Variants in PCDH15 observed in about 807,000 individuals in gnomAD.
PCDH15 encodes protocadherin related 15.
Under a neutral mutation model 178.5 loss-of-function variants are expected in PCDH15, and 129 were observed. The observed-to-expected ratio is 0.72, with a 90% CI of 0.63 to 0.84. The LOEUF (loss-of-function observed/expected upper bound fraction) is 0.84, where lower values mean the gene tolerates loss of function less well. PCDH15 is among the 40% of genes least tolerant of loss of function. PCDH15 has a pLI of 0.00. For missense variants in PCDH15, 2,230 were observed against 2,099.9 expected, an observed-to-expected ratio of 1.06 and a Z score of -1.21; for synonymous variants, 800 against 732.0, an observed-to-expected ratio of 1.09 and a Z score of -1.50.
At chr10:55,549,928 G>A (rs1475846327) in intron 2 of PCDH15, among the ~76,000 whole-genome samples, 2 of 151,850 alleles carry the variant, frequency 1.3e-5, no homozygotes, top group Non-Finnish European at 2.9e-5. Context: ...GTGAGTGTTG[G>A]GGGTGTGTGT....
At chr10:55,457,176 A>T (rs1839573222) in intron 2 of PCDH15, among the ~76,000 whole-genome samples, 1 of 152,096 alleles carries the variant, frequency 6.6e-6, no homozygotes. Flanking sequence ...CTCAAACATT[A>T]TCAAAGTAAT....
intron 26 of PCDH15, among the ~76,000 whole-genome samples, chr10:53,892,983 A>T (rs2081679274): frequency 6.6e-6 from 1 of 152,236 alleles, no homozygotes; most frequent in African/African-American, 2.4e-5. Context: ...GAAAGAAAAG[A>T]TGATAGAGAG....
intron 2 of PCDH15, among the ~76,000 whole-genome samples, chr10:54,630,184 C>T (rs1210338156): frequency 1.3e-5 from 2 of 152,058 alleles, no homozygotes; most frequent in Admixed American, 6.6e-5. Context: ...TCATATGGAA[C>T]TAGAAAAGAG....
intron 2 of PCDH15, among the ~76,000 whole-genome samples, chr10:54,594,439 C>A (rs2092085783): frequency 6.6e-6 from 1 of 152,096 alleles, no homozygotes; most frequent in Admixed American, 6.5e-5. Context: ...TCTCTTTGGG[C>A]CCCAGCCTGC....
intron 29 of PCDH15, among the ~76,000 whole-genome samples, chr10:53,832,828 G>A (rs910469384): frequency 9.9e-5 from 15 of 151,814 alleles, no homozygotes; most frequent in African/African-American, 3.6e-4. Context: ...TTAACACACT[G>A]TTCATTGCTT....
chr10:55,026,332 T>C (rs534023822), intron 2 of PCDH15, among the ~76,000 whole-genome samples: 166 of 152,120 alleles, frequency 1.1e-3, no homozygotes, highest in African/African-American at 3.7e-3. Flanking sequence ...CCAGAAGAGA[T>C]ACATACTGCC....
At chr10:55,107,453 T>C (rs984532223) in intron 2 of PCDH15, among the ~76,000 whole-genome samples, 2 of 150,642 alleles carry the variant, frequency 1.3e-5, no homozygotes, top group East Asian at 1.9e-4. Flanking sequence ...TTCATAGAAA[T>C]AGATAAAATA....
At chr10:54,456,751 CAT>C (rs1450445596) in intron 3 of PCDH15, among the ~76,000 whole-genome samples, 1 of 152,120 alleles carries the variant, frequency 6.6e-6, no homozygotes, top group African/African-American at 2.4e-5. Flanking sequence ...ATAATCTTCA[CAT>C]GTCATGGGAG....
chr10:54,421,765 A>C (rs1343368477), intron 3 of PCDH15, among the ~76,000 whole-genome samples: 1 of 123,236 alleles, frequency 8.1e-6, no homozygotes, highest in Non-Finnish European at 1.7e-5. Flanking sequence ...TATACACACT[A>C]TATAGGTTTG....
At chr10:54,490,547 A>G (rs1287078007) in intron 3 of PCDH15, among the ~76,000 whole-genome samples, 3 of 151,950 alleles carry the variant, frequency 2.0e-5, no homozygotes, top group Non-Finnish European at 4.4e-5. Context: ...AAAAGTTATC[A>G]TATGATATGT....
chr10:55,020,885 C>T (rs752390944), intron 2 of PCDH15, among the ~76,000 whole-genome samples: 1 of 152,146 alleles, frequency 6.6e-6, no homozygotes, highest in African/African-American at 2.4e-5. Flanking sequence ...CCCACAAATG[C>T]ATATCTGACT....
chr10:53,982,258 G>A (rs1192907128), intron 21 of PCDH15, among the ~76,000 whole-genome samples: 2 of 152,194 alleles, frequency 1.3e-5, no homozygotes, highest in African/African-American at 2.4e-5. Flanking sequence ...GGAAGTCAGT[G>A]TGGCGATTCC....
intron 15 of PCDH15, among the ~76,000 whole-genome samples, chr10:54,132,142 ATCTTATGAT>A (rs1045450979): frequency 2.1e-4 from 32 of 152,186 alleles, no homozygotes; most frequent in African/African-American, 6.5e-4. Flanking sequence ...ATAGTACGTC[ATCTTATGAT>A]TCTTATGATT....
intron 34 of PCDH15, 102 bp from the exon 35 acceptor site, chr10:53,816,379 C>T (rs1347864674): frequency 1.5e-5 from 6 of 395,818 alleles, no homozygotes; most frequent in African/African-American, 4.1e-5. Flanking sequence ...CAGTTTAAAA[C>T]GTGTTTCCTT....
At chr10:55,540,185 T>G (rs1033553701) in intron 2 of PCDH15, among the ~76,000 whole-genome samples, 4 of 152,096 alleles carry the variant, frequency 2.6e-5, no homozygotes, top group Non-Finnish European at 5.9e-5. Flanking sequence ...CTACCTTCTG[T>G]GAGATTCGCT....
chr10:55,453,170 T>C (rs974936437), intron 2 of PCDH15, among the ~76,000 whole-genome samples: 1 of 152,194 alleles, frequency 6.6e-6, no homozygotes, highest in Non-Finnish European at 1.5e-5. Context: ...CATTTAGCCC[T>C]GTGCTTTCAG....
At chr10:55,424,490 T>G (rs1445862925) in intron 2 of PCDH15, among the ~76,000 whole-genome samples, 2 of 152,268 alleles carry the variant, frequency 1.3e-5, no homozygotes, top group Middle Eastern at 3.4e-3. Context: ...CAGGGCATCT[T>G]TTCTGGCTCG....
At chr10:53,924,703 C>T (rs564167218) in intron 25 of PCDH15, among the ~76,000 whole-genome samples, 5 of 152,188 alleles carry the variant, frequency 3.3e-5, no homozygotes, top group Admixed American at 6.5e-5. Flanking sequence ...ATACACTAAT[C>T]AGCACTCTGT....
In PCDH15 at chr10:54,611,713, GT is replaced by G. The variant is rs1161924867; in HGVS notation, c.91+52458del. On this transcript the variant is annotated intron_variant, in intron 2 of 37. Coordinates refer to ENST00000644397, the MANE Select transcript of PCDH15 (RefSeq NM_001384140.1). ...CTGCATTTAATCAAGGCACCTTAGG[GT>G]TAGTCCAGACCTTTTATCCAAAACA... Among the ~76,000 whole-genome samples, 11 of 151,780 alleles carry G rather than the reference GT, an allele frequency of 7.2e-5. 1 individual carries two copies. Among genetic ancestry groups the G allele is most frequent in the Non-Finnish European group, 1.5e-5 (1 of 67,800 alleles).
Sources: gnomAD v4.1 joint callset for allele counts (sites outside exome capture counted in the v4.1 genomes callset) on GRCh38, gnomAD v4.1.1 for gene constraint, MANE v1.5 for transcripts, NCBI Gene and HGNC (gene_info 2026-07-23, HGNC 2026-07-21) for gene names.